Variants in SP3 observed in about 807,000 individuals in gnomAD.
The protein encoded by SP3 is Sp3 transcription factor.
SP3 carries 10 observed loss-of-function variants against 70.3 expected under a neutral mutation model. That is an observed-to-expected ratio of 0.14 (90% CI 0.09 to 0.24). The LOEUF (loss-of-function observed/expected upper bound fraction) is 0.24. Ranked by LOEUF, SP3 falls within the 10% of genes least tolerant of loss-of-function variation. The pLI is 1.00. For synonymous variants in SP3, 402 were observed against 333.5 expected (o/e 1.21, Z -2.24); for missense variants, 825 against 914.6 (o/e 0.90, Z 1.26).
In SP3 at chr2:173,965,237, C is replaced by T. The variant is rs1553469061; in HGVS notation, c.-66G>A. The T allele has an allele frequency of 2.6e-6, 4 of 1,537,136 alleles. No individual in the cohort carries two copies. The highest frequency in any genetic ancestry group is 4.0e-5 in the Admixed American group (2 of 49,814). ...TACACATGGTGAGGAGCGAAGGCGG[C>T]GGCGGCGGGAGAGGATGCGGGAAGC... On this transcript the variant is annotated 5_prime_UTR_variant, in exon 1 of 7. Transcript: ENST00000310015.
At chr2:173,925,765 CCA>C (rs1689894670) in intron 4 of SP3, among the ~76,000 whole-genome samples, 1 of 152,082 alleles carries the variant, frequency 6.6e-6, no homozygotes, top group Admixed American at 6.5e-5. Context: ...TGCCTTGTCC[CCA>C]TAAGCTTTAG....
intron 2 of SP3, 34 bp from the exon 3 acceptor site, chr2:173,963,917 AGG>A (rs756178767): frequency 7.5e-7 from 1 of 1,339,294 alleles, no homozygotes; most frequent in Non-Finnish European, 9.9e-7. Context: ...AGAGGGAGAC[AGG>A]GGGAGGGGGT....
At chr2:173,936,765 T>C (rs1262147029) in intron 4 of SP3, among the ~76,000 whole-genome samples, 1 of 152,182 alleles carries the variant, frequency 6.6e-6, no homozygotes, top group Non-Finnish European at 1.5e-5. Flanking sequence ...TACGAACCAT[T>C]TTTGGAGAAA....
intron 4 of SP3, among the ~76,000 whole-genome samples, chr2:173,926,226 T>C (rs1689904747): frequency 6.6e-6 from 1 of 152,116 alleles, no homozygotes; most frequent in Non-Finnish European, 1.5e-5. Flanking sequence ...GAGGACAAAA[T>C]ACACTGTTTT....
chr2:173,944,789 A>G (rs1423494184), intron 4 of SP3, among the ~76,000 whole-genome samples: 2 of 152,182 alleles, frequency 1.3e-5, no homozygotes, highest in Non-Finnish European at 2.9e-5. Flanking sequence ...CAAAAAAATT[A>G]AAGAGAAAAG....
chr2:173,959,284 TA>T (rs1199448470), intron 3 of SP3, among the ~76,000 whole-genome samples: 2 of 143,356 alleles, frequency 1.4e-5, no homozygotes, highest in Non-Finnish European at 3.0e-5. Flanking sequence ...AATATACCAC[TA>T]AAAGAGATAA....
chr2:173,931,071 A>G (rs968532819), intron 4 of SP3, among the ~76,000 whole-genome samples: 1 of 152,222 alleles, frequency 6.6e-6, no homozygotes, highest in Non-Finnish European at 1.5e-5. Flanking sequence ...ACTGCAGTCT[A>G]TTAAGTGTGC....
At chr2:173,933,638 T>TTATATATATATATATATATATATATATA (rs60102426) in intron 4 of SP3, among the ~76,000 whole-genome samples, 13 of 86,548 alleles carry the variant, frequency 1.5e-4, no homozygotes, top group African/African-American at 2.1e-4. Flanking sequence ...TTATAAAACT[T>TTATATATATATATATATATATATATATA]TATATATATA....
intron 4 of SP3, among the ~76,000 whole-genome samples, chr2:173,929,458 G>T (rs1690006695): frequency 6.6e-6 from 1 of 152,174 alleles, no homozygotes; most frequent in South Asian, 2.1e-4. Flanking sequence ...CCTCTTCACA[G>T]AGACCTATTT....
In SP3 at chr2:173,905,816, T is replaced by C. The variant is rs1004318992; in HGVS notation, c.*4125A>G. Among the ~76,000 whole-genome samples, 1 of 152,002 alleles carries C rather than the reference T, an allele frequency of 6.6e-6. No homozygotes were observed. The highest frequency in any genetic ancestry group is 1.5e-5 in the Non-Finnish European group (1 of 68,016). Reference sequence around the variant, plus strand: ...GAATTCAAGACCAGCCTAGGCAATATAGTGAGACCCCATCTCTACAAAACA... The same window carrying C: ...GAATTCAAGACCAGCCTAGGCAATACAGTGAGACCCCATCTCTACAAAACA... On this transcript the variant is annotated 3_prime_UTR_variant, in exon 7 of 7. Coordinates refer to ENST00000310015, the MANE Select transcript of SP3 (RefSeq NM_003111.5).
chr2:173,950,827 T>C (rs1690690958), intron 4 of SP3, among the ~76,000 whole-genome samples: 1 of 152,158 alleles, frequency 6.6e-6, no homozygotes, highest in Non-Finnish European at 1.5e-5. Flanking sequence ...AAAGATAGTA[T>C]ACCAAGAGAA....
intron 4 of SP3, among the ~76,000 whole-genome samples, chr2:173,936,081 GC>G (rs1396744777): frequency 3.3e-5 from 5 of 152,118 alleles, no homozygotes; most frequent in African/African-American, 1.2e-4. Context: ...AGGCTGGAGA[GC>G]AGTGGCACAA....
At chr2:173,911,042 T>A (rs1005186279) in intron 6 of SP3, among the ~76,000 whole-genome samples, 3 of 152,224 alleles carry the variant, frequency 2.0e-5, no homozygotes, top group Admixed American at 6.5e-5. Context: ...AATATTTTCT[T>A]AATTCCTTTC....
intron 4 of SP3, among the ~76,000 whole-genome samples, chr2:173,930,833 A>G (rs761884842): frequency 6.6e-6 from 1 of 152,232 alleles, no homozygotes; most frequent in Non-Finnish European, 1.5e-5. Flanking sequence ...GGTGCTGTCT[A>G]ATAGAAATAC....
At chr2:173,965,107 GGTCGGC>G in intron 1 of SP3, 52 bp downstream of exon 1, 13 of 1,545,040 alleles carry the variant, frequency 8.4e-6, no homozygotes, top group Non-Finnish European at 1.1e-5. Flanking sequence ...GGCTGGCTGT[GGTCGGC>G]GGCAGCGGCG....
At chr2:173,911,288 A>G in intron 6 of SP3, among the ~76,000 whole-genome samples, 1 of 152,196 alleles carries the variant, frequency 6.6e-6, no homozygotes, top group Non-Finnish European at 1.5e-5. Flanking sequence ...TCCACTGCCT[A>G]ATTTACAAGG....
In SP3 at chr2:173,910,161, A is replaced by G; in HGVS notation, c.2126T>C (p.Ile709Thr). ...HIKTHQNKKG[I>T]HSSSTVLASV... ...TGCCAGCACTGTACTGCTAGAGTGA[A>G]TACCTTTTTTATTCTGGTGTGTTTT... is the stretch of plus-strand genomic sequence containing the variant. Residue 709 changes from isoleucine to threonine, a missense_variant, in exon 7 of 7, where the codon ATT becomes ACT. This residue lies in a region of SP3 where 91 missense variants were observed against 97.4 expected (regional missense o/e 0.93). Coordinates refer to ENST00000310015, the MANE Select transcript of SP3 (RefSeq NM_003111.5). 1 of 1,613,964 alleles carries G rather than the reference A, an allele frequency of 6.2e-7. No homozygotes were observed. The highest frequency in any genetic ancestry group is 8.5e-7 in the Non-Finnish European group (1 of 1,179,886).
At chr2:173,939,973 A>T (rs1690319703) in intron 4 of SP3, among the ~76,000 whole-genome samples, 1 of 152,072 alleles carries the variant, frequency 6.6e-6, no homozygotes, top group African/African-American at 2.4e-5. Flanking sequence ...CCTGGGTTCA[A>T]TCAATCCTCC....
At chr2:173,944,735 T>G (rs1396294622) in intron 4 of SP3, among the ~76,000 whole-genome samples, 1 of 152,216 alleles carries the variant, frequency 6.6e-6, no homozygotes, top group Non-Finnish European at 1.5e-5. Context: ...TGTTGCTGAC[T>G]AAATTATGGG....
Sources: allele counts gnomAD v4.1 joint callset (sites outside exome capture counted in the v4.1 genomes callset), GRCh38; gene constraint gnomAD v4.1.1; regional missense constraint gnomAD v4.1.1; transcripts MANE v1.5; gene names NCBI Gene and HGNC (gene_info 2026-07-23, HGNC 2026-07-21).